Variants in ARHGAP31 observed in about 807,000 individuals in gnomAD.
The protein encoded by ARHGAP31 is Rho GTPase activating protein 31, also known as rho GTPase-activating protein 31.
Under a neutral mutation model 113.9 loss-of-function variants are expected in ARHGAP31, and 34 were observed. That is an observed-to-expected ratio of 0.30 (90% CI 0.23 to 0.40). ARHGAP31 has a LOEUF of 0.40. Ranked by LOEUF, ARHGAP31 falls within the 10% of genes least tolerant of loss-of-function variation. ARHGAP31 has a pLI of 1.00. For missense variants in ARHGAP31, 1,548 were observed against 1,767.1 expected (o/e 0.88, Z 2.22); for synonymous variants, 650 against 684.8 (o/e 0.95, Z 0.79).
In ARHGAP31 at chr3:119,336,643, A is replaced by G. The variant is rs552421372; in HGVS notation, c.101-28673A>G. Among the ~76,000 whole-genome samples the G allele has an allele frequency of 2.0e-5, 3 of 152,252 alleles. No homozygotes were observed. In the South Asian group the frequency reaches 6.2e-4, roughly 32 times the overall value. On this transcript the variant is annotated intron_variant, in intron 1 of 11. Transcript: ENST00000264245. The stretch of plus-strand genomic sequence containing the variant: ...TGCATTTACTGCTGGTTTTATTTTT[A>G]ATTTTATTGAGATATAATTAACATA...
chr3:119,329,632 A>C (rs1260746774), intron 1 of ARHGAP31, among the ~76,000 whole-genome samples: 2 of 152,194 alleles, frequency 1.3e-5, no homozygotes, highest in African/African-American at 2.4e-5. Flanking sequence ...CTCCAGTTAT[A>C]AACAAAGGCC....
chr3:119,330,130 A>C, intron 1 of ARHGAP31: 2 of 622,304 alleles, frequency 3.2e-6, no homozygotes, highest in Non-Finnish European at 4.0e-6. Flanking sequence ...CCTTCAGGAA[A>C]ACAGCAAATG....
intron 4 of ARHGAP31, 70 bp from the exon 5 acceptor site, chr3:119,382,222 T>G: frequency 1.5e-6 from 2 of 1,359,430 alleles, no homozygotes; most frequent in Non-Finnish European, 2.1e-6. Flanking sequence ...AACTTAGAAA[T>G]TATCTCCATA....
At chr3:119,379,297 A>G (rs553370931) in intron 3 of ARHGAP31, among the ~76,000 whole-genome samples, 1 of 152,278 alleles carries the variant, frequency 6.6e-6, no homozygotes, top group African/African-American at 2.4e-5. Context: ...TCCTGTGGGG[A>G]AAAAGTGGGA....
intron 1 of ARHGAP31, among the ~76,000 whole-genome samples, chr3:119,316,842 A>T (rs1337647214): frequency 6.6e-6 from 1 of 152,200 alleles, no homozygotes; most frequent in Non-Finnish European, 1.5e-5. Context: ...CTTCATGCTT[A>T]AAAAAATAAG....
At chr3:119,393,822 C>T (rs573408282) in intron 8 of ARHGAP31, among the ~76,000 whole-genome samples, 39 of 152,258 alleles carry the variant, frequency 2.6e-4, no homozygotes, top group Non-Finnish European at 4.4e-4. Context: ...ATGTTAACAT[C>T]TTATATAAGT....
rs766650986 is a variant in ARHGAP31 at position 119,409,792 on chromosome 3, C to T, written c.1926+16C>T. 5.0e-6 allele frequency: 8 copies of T among 1,584,842 alleles called. No individual in the cohort carries two copies. The highest frequency in any genetic ancestry group is 1.1e-5 in the South Asian group (1 of 87,094). ...CCATGAGATGGTAAAGTGCATTCTC[C>T]ACCTGCTCCAGCCAGGTGGAGTTAT... is the stretch of plus-strand genomic sequence containing the variant. On this transcript the variant is annotated intron_variant, in intron 11 of 11. Transcript: ENST00000264245.
intron 2 of ARHGAP31, 90 bp downstream of exon 2, chr3:119,365,508 C>T: frequency 8.6e-7 from 1 of 1,157,120 alleles, no homozygotes; most frequent in East Asian, 2.5e-5. Flanking sequence ...TATTAAAAAC[C>T]CAAAGGAACT....
At chr3:119,361,921 T>C (rs2080210455) in intron 1 of ARHGAP31, among the ~76,000 whole-genome samples, 1 of 152,212 alleles carries the variant, frequency 6.6e-6, no homozygotes, top group African/African-American at 2.4e-5. Flanking sequence ...CATGACCTCT[T>C]TCCTTGGGTT....
At chr3:119,401,752 C>A in intron 9 of ARHGAP31, 70 bp from the exon 10 acceptor site, 4 of 1,434,676 alleles carry the variant, frequency 2.8e-6, no homozygotes, top group Non-Finnish European at 3.9e-6. Flanking sequence ...CGTGTGCCTG[C>A]CCTTACTGGA....
chr3:119,366,226 T>C (rs1200583209), intron 2 of ARHGAP31, among the ~76,000 whole-genome samples: 1 of 152,022 alleles, frequency 6.6e-6, no homozygotes, highest in Non-Finnish European at 1.5e-5. Context: ...TAACATTTTA[T>C]TATTACCTAT....
intron 1 of ARHGAP31, among the ~76,000 whole-genome samples, chr3:119,318,345 G>A (rs1436999499): frequency 6.6e-6 from 1 of 152,120 alleles, no homozygotes; most frequent in Non-Finnish European, 1.5e-5. Flanking sequence ...TTTCAGAATC[G>A]ATTTAAGTTA....
At chr3:119,375,273 G>A (rs1308040767) in intron 3 of ARHGAP31, among the ~76,000 whole-genome samples, 1 of 152,198 alleles carries the variant, frequency 6.6e-6, no homozygotes, top group African/African-American at 2.4e-5. Context: ...AGCAGGGCGT[G>A]CTCTCTCCAG....
chr3:119,298,846 C>T, intron 1 of ARHGAP31: 1 of 215,024 alleles, frequency 4.7e-6, no homozygotes, highest in Non-Finnish European at 9.7e-6. Context: ...GTCTTCACCG[C>T]CTATATACTT....
intron 3 of ARHGAP31, among the ~76,000 whole-genome samples, chr3:119,377,747 C>T (rs751607): frequency 0.11 from 15,948 of 148,460 alleles, 962 homozygotes; most frequent in Middle Eastern, 0.18. Context: ...CCTTTGGATG[C>T]TTTCCTTTTT....
chr3:119,379,083 T>A (rs1035001172), intron 3 of ARHGAP31, among the ~76,000 whole-genome samples: 1 of 152,206 alleles, frequency 6.6e-6, no homozygotes, highest in Non-Finnish European at 1.5e-5. Flanking sequence ...TTTACTTCAA[T>A]TAAATAAAAA....
Position 119,325,063 on chromosome 3 carries a change from A to C in ARHGAP31, c.100+30059A>C. 6 of 436,376 alleles carry C rather than the reference A, an allele frequency of 1.4e-5. 1 individual carries two copies. Among genetic ancestry groups the C allele is most frequent in the South Asian group, 9.8e-5 (6 of 61,236 alleles). The allele number at this position is 436,376 out of a possible 1,614,324, so 27.0% of individuals were successfully genotyped here. A position where few individuals can be genotyped will look rare whatever the true frequency, so the allele number is the denominator to read the frequency against. ...TGGTTAATGTTTATTGAACACTCTCAGTGTGTTTGGTGCTAATTAAAATAT... is the reference window on the plus strand; with the variant it reads ...TGGTTAATGTTTATTGAACACTCTCCGTGTGTTTGGTGCTAATTAAAATAT... On this transcript the variant is annotated intron_variant, in intron 1 of 11. Transcript: ENST00000264245.
intron 3 of ARHGAP31, among the ~76,000 whole-genome samples, chr3:119,377,918 G>C (rs146144973): frequency 6.6e-6 from 1 of 152,148 alleles, no homozygotes; most frequent in East Asian, 1.9e-4. Context: ...GACTGTCTGC[G>C]TTGGGCCACC....
At chr3:119,303,501 G>A (rs888954494) in intron 1 of ARHGAP31, among the ~76,000 whole-genome samples, 5 of 152,168 alleles carry the variant, frequency 3.3e-5, no homozygotes, top group African/African-American at 9.7e-5. Flanking sequence ...TCTCGTTTAA[G>A]CTTGGTTGAT....
Sources: allele counts gnomAD v4.1 joint callset (sites outside exome capture counted in the v4.1 genomes callset), GRCh38; gene constraint gnomAD v4.1.1; transcripts MANE v1.5; gene names NCBI Gene and HGNC (gene_info 2026-07-23, HGNC 2026-07-21).